The following MTMR1 variants were observed in gnomAD, a reference collection of about 807,000 sequenced individuals.
The protein encoded by MTMR1 is phosphatidylinositol-3-phosphate phosphatase MTMR1.
A neutral mutation model predicts 51.6 loss-of-function variants in MTMR1; 17 were observed. The ratio of observed to expected loss-of-function variants is 0.33; its 90% CI spans 0.23 to 0.49. The LOEUF (loss-of-function observed/expected upper bound fraction) is 0.49. Ranked by LOEUF, MTMR1 falls within the 20% of genes least tolerant of loss-of-function variation. The pLI is 0.99. For synonymous variants in MTMR1, 201 were observed against 205.6 expected (o/e 0.98, Z 0.19); for missense variants, 386 against 526.9 (o/e 0.73, Z 2.62).
intron 2 of MTMR1, among the ~76,000 whole-genome samples, chrX:150,709,091 G>T (rs1280275055): frequency 8.9e-6 from 1 of 112,254 alleles, no homozygotes; most frequent in Admixed American, 9.4e-5. Flanking sequence ...CATTTTATGT[G>T]TCGAAACTGA....
Position 150,730,561 on chromosome X carries a change from A to G in MTMR1, c.694A>G (p.Ile232Val), listed in dbSNP as rs137974769. The G allele has an allele frequency of 4.2e-6, 5 of 1,176,569 alleles. No homozygotes were observed. The highest frequency in any genetic ancestry group is 5.7e-6 in the Non-Finnish European group (5 of 873,858). Residue 232 changes from isoleucine (I) to valine (V), a missense_variant, in exon 8 of 16, where the codon ATT (isoleucine) becomes GTT (valine). Physicochemically the swap from Ile to Val is conservative, Grantham distance 29. Coordinates refer to ENST00000445323, the MANE Select transcript of MTMR1 (RefSeq NM_001306144.3). ...ATTCAGCTATAAAGAAAAATTTCCA[A>G]TTAATGGCTGGAAAGTTTATGATCC... The part of the protein sequence containing the change: ...FAFSYKEKFP[I>V]NGWKVYDPVS...
intron 8 of MTMR1, 103 bp downstream of exon 8, chrX:150,730,711 G>A: frequency 4.7e-6 from 2 of 423,239 alleles, no homozygotes; most frequent in Non-Finnish European, 7.9e-6. Flanking sequence ...TTTCGAACAA[G>A]TTATGCACAG....
At chrX:150,761,959 C>T (rs1362137722) in intron 15 of MTMR1, among the ~76,000 whole-genome samples, 4 of 112,341 alleles carry the variant, frequency 3.6e-5, no homozygotes, top group African/African-American at 1.3e-4. Context: ...TGAGGCCTTG[C>T]GGTGATGCTG....
intron 10 of MTMR1, among the ~76,000 whole-genome samples, chrX:150,733,470 T>G (rs1167769150): frequency 9.0e-6 from 1 of 110,972 alleles, no homozygotes; most frequent in Non-Finnish European, 1.9e-5. Flanking sequence ...AGGTTGAGAC[T>G]GGATTTCTAT....
chrX:150,698,733 G>A (rs1557415825), intron 1 of MTMR1, among the ~76,000 whole-genome samples: 2 of 97,392 alleles, frequency 2.1e-5, no homozygotes, highest in Non-Finnish European at 4.1e-5. Context: ...CACAAAAGCC[G>A]GGCCTGGTGG....
At chrX:150,730,064 G>A (rs782082178) in intron 6 of MTMR1, 45 bp from the exon 7 acceptor site, 20 of 885,975 alleles carry the variant, frequency 2.3e-5, no homozygotes, top group Non-Finnish European at 3.2e-5. Flanking sequence ...GCTTATAGGT[G>A]CCTGATGTAT....
chrX:150,751,052 G>A lies in MTMR1; in HGVS notation c.1680+209G>A, dbSNP rs782278592. On this transcript the variant is annotated intron_variant, in intron 14 of 15. Coordinates refer to ENST00000445323, the MANE Select transcript of MTMR1 (RefSeq NM_001306144.3). ...TAGGCATGGGGGGCTGGGACCCAGCGAGCCCGTGGCTCTCTCAGGAGTAGA... is the reference window on the plus strand; with the variant it reads ...TAGGCATGGGGGGCTGGGACCCAGCAAGCCCGTGGCTCTCTCAGGAGTAGA... 2.1e-5 allele frequency: 24 copies of A among 1,148,304 alleles called. No homozygotes were observed. The Admixed American group carries it at 3.5e-4, about 17-fold the overall frequency. The allele number at this position is 1,148,304 out of a possible 1,213,427, so 94.6% of individuals were successfully genotyped here.
Position 150,764,696 on chromosome X carries a change from T to TAAAG in MTMR1, c.*1970_*1973dup, listed in dbSNP as rs782531615. On this transcript the variant is annotated 3_prime_UTR_variant, in exon 16 of 16. Transcript: ENST00000445323. ...CCTAGAGGAGACTCTCATTCGATTTTAAAGAAGCACAACGGGTCATTTTCC... is the reference window on the plus strand; with the variant it reads ...CCTAGAGGAGACTCTCATTCGATTTTAAAGAAAGAAGCACAACGGGTCATTTTCC... The TAAAG allele has an allele frequency of 8.9e-6, 1 of 112,292 alleles. No individual in the cohort carries two copies. The highest frequency in any genetic ancestry group is 3.2e-5 in the African/African-American group (1 of 30,836). The allele number at this position is 112,292 out of a possible 1,213,427, so 9.3% of individuals were successfully genotyped here. A position where few individuals can be genotyped will look rare whatever the true frequency, so the allele number is the denominator to read the frequency against.
intron 13 of MTMR1, among the ~76,000 whole-genome samples, chrX:150,748,848 T>C (rs2042649384): frequency 9.3e-6 from 1 of 108,108 alleles, no homozygotes; most frequent in Non-Finnish European, 1.9e-5. Flanking sequence ...AATGCATGAA[T>C]GAGAGAGAGA....
intron 12 of MTMR1, among the ~76,000 whole-genome samples, chrX:150,741,535 G>C (rs1270465098): frequency 2.7e-5 from 3 of 112,279 alleles, no homozygotes; most frequent in Admixed American, 9.4e-5. Context: ...TGCATACTTG[G>C]AAGCCCTTGG....
Position 150,763,420 on chromosome X carries a change from G to A in MTMR1, c.*691G>A, listed in dbSNP as rs1363057308. The A allele has an allele frequency of 1.8e-5, 2 of 112,790 alleles. No homozygotes were observed. Among genetic ancestry groups the A allele is most frequent in the African/African-American group, 3.2e-5 (1 of 31,026 alleles). The allele number at this position is 112,790 out of a possible 1,213,427, so 9.3% of individuals were successfully genotyped here. A position where few individuals can be genotyped will look rare whatever the true frequency, so the allele number is the denominator to read the frequency against. ...CTGTCCTCACCTCACTCTGGTACTC[G>A]CCTCTTGGGGCGGCTCAGCCCATTC... On this transcript the variant is annotated 3_prime_UTR_variant, in exon 16 of 16. Transcript: ENST00000445323.
chrX:150,725,388 A>G (rs1418754996), intron 4 of MTMR1, among the ~76,000 whole-genome samples: 2 of 112,058 alleles, frequency 1.8e-5, no homozygotes, highest in African/African-American at 6.5e-5. Flanking sequence ...TTGTTAGTGT[A>G]TAGGAATGCT....
intron 13 of MTMR1, among the ~76,000 whole-genome samples, chrX:150,745,406 C>T (rs1174024817): frequency 2.7e-5 from 3 of 111,714 alleles, no homozygotes; most frequent in East Asian, 2.8e-4. Context: ...CGGTGATCTG[C>T]GGGGATGCTA....
chrX:150,757,211 C>T (rs1194592355), intron 15 of MTMR1, among the ~76,000 whole-genome samples: 2 of 112,310 alleles, frequency 1.8e-5, no homozygotes, highest in African/African-American at 6.5e-5. Context: ...CTCAAGGATA[C>T]GTCACTATAG....
At position 150,762,803 on chromosome X, in the gene MTMR1, T is replaced by C. The variant is rs1557418126; in HGVS notation, c.*74T>C. On this transcript the variant is annotated 3_prime_UTR_variant, in exon 16 of 16. Transcript: ENST00000445323. The stretch of plus-strand genomic sequence containing the variant: ...GGGACCTGGCGATCACTGTTATGGC[T>C]GTAGCTTGTGATCTTGTCTTTTAGG... The C allele has an allele frequency of 9.6e-7, 1 of 1,042,331 alleles. No individual in the cohort carries two copies. The highest frequency in any genetic ancestry group is 1.9e-5 in the African/African-American group (1 of 51,735). 85.9% of individuals were successfully genotyped at this position (1,042,331 alleles called of 1,213,427 possible).
Position 150,732,715 on chromosome X carries a change from C to A in MTMR1, c.1065C>A (p.Val355=), listed in dbSNP as rs376624011. Residue 355 remains valine (V), a synonymous_variant, in exon 10 of 16, where the codon GTC becomes GTA. Coordinates refer to ENST00000445323, the MANE Select transcript of MTMR1 (RefSeq NM_001306144.3). ...LIIFDARQNS[V]ADTNKTKGGG... ...TCTTTGATGCTCGACAAAACAGTGTCGCTGATACCAACAAGGTATATTCTT... is the reference window on the plus strand; with the variant it reads ...TCTTTGATGCTCGACAAAACAGTGTAGCTGATACCAACAAGGTATATTCTT... The A allele has an allele frequency of 2.7e-5, 33 of 1,200,788 alleles. No individual in the cohort carries two copies. The Middle Eastern group carries it at 6.9e-4, about 25-fold the overall frequency.
chrX:150,740,692 G>A lies in MTMR1; in HGVS notation c.1473+3244G>A, dbSNP rs781939419. Among the ~76,000 whole-genome samples the A allele has an allele frequency of 1.2e-4, 13 of 111,583 alleles. No homozygotes were observed. The East Asian group carries it at 3.1e-3, about 27-fold the overall frequency. On this transcript the variant is annotated intron_variant, in intron 12 of 15. Transcript: ENST00000445323. The stretch of plus-strand genomic sequence containing the variant: ...GGAATACCTGAGGCTGGGTAATTTA[G>A]AAAGAAAAGAAATTTATTTGGCTCA...
At chrX:150,725,665 T>G (rs1276637513) in intron 4 of MTMR1, among the ~76,000 whole-genome samples, 2 of 111,950 alleles carry the variant, frequency 1.8e-5, no homozygotes, top group Non-Finnish European at 3.8e-5. Context: ...CTCCTACCCT[T>G]TATGCTGTTG....
At chrX:150,703,360 C>T (rs2040984191) in intron 2 of MTMR1, among the ~76,000 whole-genome samples, 1 of 111,858 alleles carries the variant, frequency 8.9e-6, no homozygotes, top group Non-Finnish European at 1.9e-5. Context: ...GAACATTATT[C>T]AATTGTGTTC....
Sources: allele counts gnomAD v4.1 joint callset (sites outside exome capture counted in the v4.1 genomes callset), GRCh38; gene constraint gnomAD v4.1.1; transcripts MANE v1.5; gene names NCBI Gene and HGNC (gene_info 2026-07-23, HGNC 2026-07-21).